The following CRACD variants were observed in gnomAD, a reference collection of about 807,000 sequenced individuals.
CRACD encodes capping protein-inhibiting regulator of actin dynamics.
Under a neutral mutation model 106.8 loss-of-function variants are expected in CRACD, and 56 were observed. The ratio of observed to expected loss-of-function variants is 0.52; its 90% CI spans 0.42 to 0.66. The LOEUF (loss-of-function observed/expected upper bound fraction) is 0.66, where lower values mean the gene tolerates loss of function less well. Ranked by LOEUF, CRACD falls within the 30% of genes least tolerant of loss-of-function variation. CRACD has a pLI of 0.00. For synonymous variants in CRACD, 754 were observed against 670.8 expected (o/e 1.12, Z -1.92); for missense variants, 1,730 against 1,623.2 (o/e 1.07, Z -1.13).
At chr4:56,297,021 G>C (rs191410613) in intron 3 of CRACD, among the ~76,000 whole-genome samples, 12 of 151,732 alleles carry the variant, frequency 7.9e-5, no homozygotes, top group Non-Finnish European at 1.2e-4. Flanking sequence ...CCGGGTTCAA[G>C]CGATTCTCCC....
chr4:56,103,532 G>A (rs1235866593), intron 1 of CRACD, among the ~76,000 whole-genome samples: 1 of 152,176 alleles, frequency 6.6e-6, no homozygotes, highest in Non-Finnish European at 1.5e-5. Context: ...AGAATAAGAA[G>A]CAGTTTTCGT....
At chr4:56,090,610 G>T (rs565838080) in intron 1 of CRACD, among the ~76,000 whole-genome samples, 6 of 152,228 alleles carry the variant, frequency 3.9e-5, no homozygotes, top group Admixed American at 1.3e-4. Flanking sequence ...GCCCAGGCTG[G>T]TCTTAAACTC....
At chr4:56,287,473 G>A (rs1014868280) in intron 3 of CRACD, among the ~76,000 whole-genome samples, 1 of 151,972 alleles carries the variant, frequency 6.6e-6, no homozygotes, top group African/African-American at 2.4e-5. Flanking sequence ...AGTAGAGGGG[G>A]TTTCACCACG....
At chr4:56,083,976 C>T (rs536013203) in intron 1 of CRACD, among the ~76,000 whole-genome samples, 10 of 152,116 alleles carry the variant, frequency 6.6e-5, no homozygotes, top group Admixed American at 4.6e-4. Context: ...GACCTTATCT[C>T]AAAAAATATA....
rs1267245706 is a variant in CRACD at position 56,183,257 on chromosome 4, A to AAAT, written c.-189+3830_-189+3832dup. On this transcript the variant is annotated intron_variant, in intron 2 of 10. Transcript: ENST00000682029. ...TCAAAAAATAAAATAAAATAAAATA[A>AAAT]AATAAAATAAAATAAAATAAAATAA... Among the ~76,000 whole-genome samples the AAAT allele has an allele frequency of 9.9e-3, 1,415 of 142,478 alleles. 50 individuals are homozygous for AAAT. Among genetic ancestry groups the AAAT allele is most frequent in the African/African-American group, 0.035 (1,341 of 37,924 alleles). The allele number at this position is 142,478 out of a possible 152,430, so 93.5% of individuals were successfully genotyped here.
At chr4:56,204,534 G>C (rs1283438367) in intron 2 of CRACD, among the ~76,000 whole-genome samples, 1 of 152,164 alleles carries the variant, frequency 6.6e-6, no homozygotes, top group Non-Finnish European at 1.5e-5. Flanking sequence ...GCCCACTCAT[G>C]AGGGCTTAGC....
rs1289740190 is a variant in CRACD, at chr4:56,315,098, C to T, written c.1596C>T (p.Thr532=). 4.3e-6 allele frequency: 7 copies of T among 1,611,108 alleles called. No homozygotes were observed. The highest frequency in any genetic ancestry group is 5.9e-6 in the Non-Finnish European group (7 of 1,179,208). Residue 532 remains threonine, a synonymous_variant, in exon 8 of 11, where the codon ACC becomes ACT. Coordinates refer to ENST00000682029, the MANE Select transcript of CRACD (RefSeq NM_001393381.1). The surrounding 1 kb of genome is among the most constrained non-coding windows in gnomAD (Gnocchi z 4.1). ...LRWQEVDERQ[T]MPRPYTFQVS... ...GGCAGGAGGTGGACGAGAGACAGAC[C>T]ATGCCCCGGCCCTACACGTTCCAGG...
chr4:56,072,309 A>G (rs926100075), intron 1 of CRACD, among the ~76,000 whole-genome samples: 3 of 152,198 alleles, frequency 2.0e-5, no homozygotes, highest in African/African-American at 7.2e-5. Flanking sequence ...ATTAAAACTG[A>G]GTGAATGAAT....
chr4:56,218,486 C>CCTTCCCCTCCCTTAT (rs1317229155), intron 2 of CRACD, among the ~76,000 whole-genome samples: 1 of 121,044 alleles, frequency 8.3e-6, no homozygotes, highest in Non-Finnish European at 1.7e-5. Context: ...CCCTCCCTTT[C>CCTTCCCCTCCCTTAT]CTTCCCCTCC....
intron 2 of CRACD, among the ~76,000 whole-genome samples, chr4:56,189,978 C>A (rs1381491527): frequency 2.8e-3 from 258 of 92,474 alleles, no homozygotes; most frequent in South Asian, 3.1e-3. Flanking sequence ...CCTCCCCCCA[C>A]CCCACAACAG....
Position 56,311,578 on chromosome 4 carries a change from C to A in CRACD, c.354+844C>A, listed in dbSNP as rs374268463. 11 of 152,278 alleles carry A rather than the reference C, an allele frequency of 7.2e-5. No individual in the cohort carries two copies. The South Asian group carries it at 2.3e-3, about 32-fold the overall frequency. The allele number at this position is 152,278 out of a possible 1,614,324, so 9.4% of individuals were successfully genotyped here. On this transcript the variant is annotated intron_variant, in intron 6 of 10. Coordinates refer to ENST00000682029, the MANE Select transcript of CRACD (RefSeq NM_001393381.1). ...AATCTCATGCCCATTATAAAGATAACCATAAATAAATGAAAGCTAGAAGGC... is the reference window on the plus strand; with the variant it reads ...AATCTCATGCCCATTATAAAGATAAACATAAATAAATGAAAGCTAGAAGGC...
intron 5 of CRACD, among the ~76,000 whole-genome samples, chr4:56,308,337 G>C (rs1198471597): frequency 2.0e-5 from 3 of 151,922 alleles, no homozygotes; most frequent in Non-Finnish European, 2.9e-5. Context: ...TTGACACTTT[G>C]AGCATATCCT....
chr4:56,112,961 A>G (rs1028374382), intron 1 of CRACD, among the ~76,000 whole-genome samples: 1 of 145,866 alleles, frequency 6.9e-6, no homozygotes, highest in Non-Finnish European at 1.5e-5. Flanking sequence ...TAATCGCTGT[A>G]ACTAAAGGTG....
chr4:56,152,185 A>ATT (rs1188846920), intron 1 of CRACD, among the ~76,000 whole-genome samples: 5 of 133,070 alleles, frequency 3.8e-5, no homozygotes, highest in South Asian at 2.5e-4. Context: ...AATTTTTTGT[A>ATT]TTTTTTTTTT....
intron 3 of CRACD, among the ~76,000 whole-genome samples, chr4:56,294,977 C>G (rs951290556): frequency 8.2e-6 from 1 of 121,824 alleles, no homozygotes; most frequent in African/African-American, 3.1e-5. Context: ...AAGAAAAAAA[C>G]CCAGAAAACC....
intron 1 of CRACD, among the ~76,000 whole-genome samples, chr4:56,106,154 T>C (rs4865054): frequency 0.13 from 18,609 of 148,008 alleles, 1,217 homozygotes; most frequent in East Asian, 0.19. Context: ...TTCAGGGGCC[T>C]GGATGAGGCA....
In CRACD at chr4:56,323,497, A is replaced by G. The variant is rs1333131271; in HGVS notation, c.3308A>G (p.Gln1103Arg). 1 of 1,609,530 alleles carries G rather than the reference A, an allele frequency of 6.2e-7. No individual in the cohort carries two copies. The change falls in exon 9 of 11, where the codon CAG (glutamine) becomes CGG (arginine). Residue 1103 changes from glutamine to arginine, a missense_variant. Physicochemically the swap from Gln to Arg is conservative, Grantham distance 43. Coordinates refer to ENST00000682029, the MANE Select transcript of CRACD (RefSeq NM_001393381.1). ...CAAAAGCAAAAGGGGTTTCGGGAGC[A>G]GCAGGCGACGCGGGAGGAGAGAAAG... The part of the protein sequence containing the change: ...ALQKQKGFRE[Q>R]QATREERKQA...
At chr4:56,310,844 T>C in intron 6 of CRACD, 110 bp downstream of exon 6, 1 of 685,624 alleles carries the variant, frequency 1.5e-6, no homozygotes, top group South Asian at 1.7e-5. Flanking sequence ...TTCATAAATG[T>C]TGCCTTCATA....
At chr4:56,154,239 G>A (rs1160913750) in intron 1 of CRACD, among the ~76,000 whole-genome samples, 1 of 152,166 alleles carries the variant, frequency 6.6e-6, no homozygotes, top group Non-Finnish European at 1.5e-5. Context: ...GCTGAGGCAG[G>A]TGGATCACTT....
Sources: gnomAD v4.1 joint callset for allele counts (sites outside exome capture counted in the v4.1 genomes callset) on GRCh38, gnomAD v4.1.1 for gene constraint, Gnocchi (gnomAD v3.1) non-coding constraint, MANE v1.5 for transcripts, NCBI Gene and HGNC (gene_info 2026-07-23, HGNC 2026-07-21) for gene names.